MACROD2: variants seen among roughly 807,000 people sequenced by gnomAD.
MACROD2 encodes mono-ADP ribosylhydrolase 2.
A neutral mutation model predicts 70.4 loss-of-function variants in MACROD2; 36 were observed. That is an observed-to-expected ratio of 0.51 (90% confidence interval 0.39 to 0.68). MACROD2 has a LOEUF of 0.68. Among genes scored for constraint, MACROD2 ranks in the 30% least tolerant of loss-of-function variants. MACROD2 has a pLI of 0.00. For missense variants in MACROD2, 496 were observed against 538.4 expected (o/e 0.92, Z 0.78); for synonymous variants, 172 against 178.8 (o/e 0.96, Z 0.30).
Position 14,515,469 on chromosome 20 carries a change from A to ACACGCGCG in MACROD2, c.301+21964_301+21965insGCGCGCAC, listed in dbSNP as rs759399680. ...ATATGTGAGATACACACACACGCAC[A>ACACGCGCG]CACACACACACACACACACACACAC... On this transcript the variant is annotated intron_variant, in intron 4 of 17. Transcript: ENST00000684519. Among the ~76,000 whole-genome samples, 1,000 of 143,724 alleles carry ACACGCGCG rather than the reference A, an allele frequency of 7.0e-3. 10 individuals are homozygous for ACACGCGCG. The highest frequency in any genetic ancestry group is 0.024 in the African/African-American group (919 of 37,672). The allele number at this position is 143,724 out of a possible 152,430, so 94.3% of individuals were successfully genotyped here. A position where few individuals can be genotyped will look rare whatever the true frequency, so the allele number is the denominator to read the frequency against.
intron 7 of MACROD2, among the ~76,000 whole-genome samples, chr20:15,439,437 T>A (rs1439262008): frequency 1.3e-5 from 2 of 152,188 alleles, no homozygotes; most frequent in Non-Finnish European, 2.9e-5. Context: ...ACCCATTTCC[T>A]GGAAACTCGG....
intron 15 of MACROD2, among the ~76,000 whole-genome samples, chr20:16,023,373 G>T (rs1277994957): frequency 6.6e-6 from 1 of 151,084 alleles, no homozygotes; most frequent in Non-Finnish European, 1.5e-5. Context: ...TACTTGGGAG[G>T]CTGAGGCAGG....
chr20:15,666,473 T>A (rs551696042), intron 8 of MACROD2, among the ~76,000 whole-genome samples: 1 of 152,310 alleles, frequency 6.6e-6, no homozygotes, highest in African/African-American at 2.4e-5. Flanking sequence ...GTGGAGGAAT[T>A]CTGATGCCAA....
chr20:15,030,306 T>G (rs1249444906), intron 5 of MACROD2, among the ~76,000 whole-genome samples: 1 of 152,042 alleles, frequency 6.6e-6, no homozygotes, highest in African/African-American at 2.4e-5. Context: ...ACACAAAAAT[T>G]TTTAAAAATT....
At chr20:14,496,556 G>T (rs145132485) in intron 4 of MACROD2, among the ~76,000 whole-genome samples, 3 of 152,254 alleles carry the variant, frequency 2.0e-5, no homozygotes, top group African/African-American at 7.2e-5. Context: ...TTACATTGAT[G>T]TGAATTTTCA....
chr20:14,926,377 G>A (rs1417029611), intron 5 of MACROD2, among the ~76,000 whole-genome samples: 2 of 151,818 alleles, frequency 1.3e-5, no homozygotes, highest in East Asian at 1.9e-4. Flanking sequence ...GTGAATCCCC[G>A]TCTCTACTAA....
intron 8 of MACROD2, among the ~76,000 whole-genome samples, chr20:15,600,728 C>T (rs905358155): frequency 1.3e-5 from 2 of 152,162 alleles, no homozygotes; most frequent in East Asian, 3.9e-4. Flanking sequence ...GAGATGAATA[C>T]TACAAGCTAA....
chr20:15,362,485 G>A (rs1445770423), intron 6 of MACROD2, among the ~76,000 whole-genome samples: 36 of 151,754 alleles, frequency 2.4e-4, no homozygotes, highest in Admixed American at 2.4e-3. Context: ...AGTTTTTTGA[G>A]TTTTTAAAAA....
chr20:15,061,161 A>T (rs1332220209), intron 5 of MACROD2, among the ~76,000 whole-genome samples: 1 of 152,176 alleles, frequency 6.6e-6, no homozygotes, highest in East Asian at 1.9e-4. Context: ...TCTTTGGACC[A>T]CTACCATCAA....
intron 5 of MACROD2, among the ~76,000 whole-genome samples, chr20:15,129,120 G>C (rs993775346): frequency 2.0e-5 from 3 of 151,902 alleles, no homozygotes; most frequent in South Asian, 2.1e-4. Flanking sequence ...ATTTTTATTA[G>C]AAAAATAATT....
chr20:14,282,826 T>A (rs2082316951), intron 3 of MACROD2, among the ~76,000 whole-genome samples: 2 of 152,140 alleles, frequency 1.3e-5, no homozygotes, highest in Non-Finnish European at 2.9e-5. Context: ...GAACTCACAA[T>A]CACAAAGACA....
At chr20:15,173,945 G>C (rs2076441145) in intron 5 of MACROD2, among the ~76,000 whole-genome samples, 1 of 152,064 alleles carries the variant, frequency 6.6e-6, no homozygotes, top group Non-Finnish European at 1.5e-5. Context: ...AAAATGTTTT[G>C]TTCATTGGTT....
At chr20:14,075,627 A>C (rs191320568) in intron 2 of MACROD2, among the ~76,000 whole-genome samples, 10 of 152,036 alleles carry the variant, frequency 6.6e-5, no homozygotes, top group Admixed American at 5.9e-4. Context: ...TTTCCCCTTT[A>C]ATTCTCTTGA....
At chr20:15,340,427 C>T (rs2078098868) in intron 6 of MACROD2, among the ~76,000 whole-genome samples, 1 of 151,994 alleles carries the variant, frequency 6.6e-6, no homozygotes, top group Non-Finnish European at 1.5e-5. Context: ...TGGACCACTG[C>T]GCCCAGCTGT....
At chr20:14,324,079 T>A (rs891104079) in intron 3 of MACROD2, 2 of 152,558 alleles carry the variant, frequency 1.3e-5, no homozygotes, top group African/African-American at 4.8e-5. Flanking sequence ...GCTGGGCAAT[T>A]TGCTACTTAG....
chr20:14,849,366 T>C (rs982472657), intron 5 of MACROD2, among the ~76,000 whole-genome samples: 11 of 152,138 alleles, frequency 7.2e-5, no homozygotes, highest in Non-Finnish European at 1.5e-4. Flanking sequence ...TATGCCTAAA[T>C]TGATATCCTT....
chr20:14,904,177 G>T (rs1224966123), intron 5 of MACROD2, among the ~76,000 whole-genome samples: 1 of 152,126 alleles, frequency 6.6e-6, no homozygotes, highest in African/African-American at 2.4e-5. Context: ...CTTGGATATA[G>T]TTAGTATGAA....
At chr20:15,081,678 G>A (rs777242173) in intron 5 of MACROD2, among the ~76,000 whole-genome samples, 5 of 152,134 alleles carry the variant, frequency 3.3e-5, no homozygotes, top group South Asian at 2.1e-4. Flanking sequence ...ACCAAGAGGG[G>A]TGAGTAGAGA....
intron 7 of MACROD2, among the ~76,000 whole-genome samples, chr20:15,466,409 G>A (rs1257400436): frequency 6.6e-6 from 1 of 152,150 alleles, no homozygotes; most frequent in East Asian, 1.9e-4. Context: ...ATTGGTATGG[G>A]GCAAAGGCTG....
Sources: allele counts gnomAD v4.1 joint callset (sites outside exome capture counted in the v4.1 genomes callset), GRCh38; gene constraint gnomAD v4.1.1; transcripts MANE v1.5; gene names NCBI Gene and HGNC (gene_info 2026-07-23, HGNC 2026-07-21).